Variants in CNTNAP2 observed in about 807,000 individuals in gnomAD.
CNTNAP2 encodes the protein contactin associated protein 2, also known as contactin-associated protein-like 2.
Under a neutral mutation model 155.2 loss-of-function variants are expected in CNTNAP2, and 98 were observed. The observed-to-expected ratio is 0.63, with a 90% CI of 0.54 to 0.75. CNTNAP2 has a LOEUF of 0.75. Among genes scored for constraint, CNTNAP2 ranks in the 30% least tolerant of loss-of-function variants. CNTNAP2 has a pLI of 0.00. For synonymous variants in CNTNAP2, 651 were observed against 631.2 expected (o/e 1.03, Z -0.47); for missense variants, 1,727 against 1,688.1 (o/e 1.02, Z -0.40).
chr7:148,146,749 T>A (rs1237747360), intron 16 of CNTNAP2, among the ~76,000 whole-genome samples: 1 of 152,052 alleles, frequency 6.6e-6, no homozygotes, highest in Non-Finnish European at 1.5e-5. Flanking sequence ...CAACAATAGG[T>A]CACCCTCATT....
rs1265599565 is a variant in CNTNAP2 at position 146,909,243 on chromosome 7, A to G, written c.402+69339A>G. On this transcript the variant is annotated intron_variant, in intron 3 of 23. Transcript: ENST00000361727. ...AGAGGTACAAGGAGGAACTGGTACC[A>G]TTCCTTCTGAAACTATTCCAATCAA... Among the ~76,000 whole-genome samples, 247 of 146,386 alleles carry G rather than the reference A, an allele frequency of 1.7e-3. 2 individuals are homozygous for G. Among genetic ancestry groups the G allele is most frequent in the African/African-American group, 5.8e-3 (232 of 39,742 alleles).
Position 148,058,368 on chromosome 7 carries a change from G to A in CNTNAP2, c.2384-59750G>A, listed in dbSNP as rs1453951270. On this transcript the variant is annotated intron_variant, in intron 15 of 23. Coordinates refer to ENST00000361727, the MANE Select transcript of CNTNAP2 (RefSeq NM_014141.6). ...GGGAGAAACCATCCCCTCCACACAC[G>A]GTTAAACAAGTCAGTGTGCAGCCTA... Among the ~76,000 whole-genome samples the A allele has an allele frequency of 4.6e-5, 7 of 152,246 alleles. No individual in the cohort carries two copies. The East Asian group carries it at 5.8e-4, about 13-fold the overall frequency.
chr7:146,721,391 C>CTATATATATTCTATATACATTCTA (rs1229042586), intron 1 of CNTNAP2, among the ~76,000 whole-genome samples: 1 of 118,750 alleles, frequency 8.4e-6, no homozygotes, highest in Non-Finnish European at 1.6e-5. Context: ...TATATACATT[C>CTATATATATTCTATATACATTCTA]TATATACATT....
At chr7:146,965,933 A>G (rs1797649788) in intron 3 of CNTNAP2, among the ~76,000 whole-genome samples, 1 of 152,170 alleles carries the variant, frequency 6.6e-6, no homozygotes. Context: ...CTCCTCTAAA[A>G]TATCATTATG....
chr7:146,721,850 T>A (rs867564416), intron 1 of CNTNAP2, among the ~76,000 whole-genome samples: 1 of 116,104 alleles, frequency 8.6e-6, no homozygotes. Context: ...ATATATATTC[T>A]ACATTTATAT....
At chr7:147,965,934 T>TA (rs1164090992) in intron 14 of CNTNAP2, among the ~76,000 whole-genome samples, 3 of 152,226 alleles carry the variant, frequency 2.0e-5, no homozygotes, top group African/African-American at 7.2e-5. Flanking sequence ...ATTGATAACA[T>TA]AAAAACAAAT....
At chr7:148,246,304 AT>A (rs1245180181) in intron 20 of CNTNAP2, among the ~76,000 whole-genome samples, 1 of 152,238 alleles carries the variant, frequency 6.6e-6, no homozygotes, top group African/African-American at 2.4e-5. Flanking sequence ...CTTTAACTAT[AT>A]TACAGTTAAA....
Position 146,464,187 on chromosome 7 carries a change from G to GTTTTTTTTTTTTTTTTTT in CNTNAP2, c.98-310082_98-310065dup, listed in dbSNP as rs369508603. Among the ~76,000 whole-genome samples, 19 of 91,552 alleles carry GTTTTTTTTTTTTTTTTTT rather than the reference G, an allele frequency of 2.1e-4. 1 individual carries two copies. Among genetic ancestry groups the GTTTTTTTTTTTTTTTTTT allele is most frequent in the African/African-American group, 6.7e-4 (18 of 26,956 alleles). The allele number at this position is 91,552 out of a possible 152,430, so 60.1% of individuals were successfully genotyped here. ...TGCTCAATGTCTTTCCTTTGAAACT[G>GTTTTTTTTTTTTTTTTTT]TTTTTTTTTTTTTTTTTTTGGCTCT... On this transcript the variant is annotated intron_variant, in intron 1 of 23. Transcript: ENST00000361727.
At chr7:147,600,782 C>A (rs2116859524) in intron 12 of CNTNAP2, among the ~76,000 whole-genome samples, 1 of 152,130 alleles carries the variant, frequency 6.6e-6, no homozygotes, top group Admixed American at 6.6e-5. Context: ...CTTCCCCCTC[C>A]TACTACTATG....
intron 1 of CNTNAP2, among the ~76,000 whole-genome samples, chr7:146,445,738 A>T (rs1193842824): frequency 6.6e-6 from 1 of 152,192 alleles, no homozygotes; most frequent in Non-Finnish European, 1.5e-5. Context: ...GTAGAGCAAG[A>T]TGAATGAGGG....
chr7:146,775,214 C>A (rs1390435542), intron 2 of CNTNAP2, among the ~76,000 whole-genome samples: 1 of 151,964 alleles, frequency 6.6e-6, no homozygotes, highest in Admixed American at 6.6e-5. Flanking sequence ...TTTAGTTAGA[C>A]AAGATGAATA....
At chr7:148,251,915 T>C (rs1253731685) in intron 20 of CNTNAP2, among the ~76,000 whole-genome samples, 18 of 152,180 alleles carry the variant, frequency 1.2e-4, no homozygotes, top group Non-Finnish European at 1.5e-5. Context: ...CCCAGTTCCA[T>C]ATACGTACCA....
intron 15 of CNTNAP2, among the ~76,000 whole-genome samples, chr7:148,008,032 G>A (rs1326870130): frequency 2.6e-5 from 4 of 151,950 alleles, no homozygotes; most frequent in African/African-American, 4.8e-5. Flanking sequence ...CCTGCAATTC[G>A]CTGGGTAGGT....
chr7:146,890,136 G>A (rs1413763841), intron 3 of CNTNAP2, among the ~76,000 whole-genome samples: 1 of 152,114 alleles, frequency 6.6e-6, no homozygotes, highest in Admixed American at 6.6e-5. Context: ...TGCCACCTGT[G>A]TCCCAAGGTC....
chr7:146,143,773 T>A (rs1332758271), intron 1 of CNTNAP2, among the ~76,000 whole-genome samples: 1 of 152,124 alleles, frequency 6.6e-6, no homozygotes, highest in Admixed American at 6.6e-5. Context: ...TAATTTATTT[T>A]TTTTTTTGAA....
intron 2 of CNTNAP2, among the ~76,000 whole-genome samples, chr7:146,791,876 T>C (rs1430507873): frequency 6.6e-6 from 1 of 152,222 alleles, no homozygotes; most frequent in African/African-American, 2.4e-5. Flanking sequence ...TGTTTCTGTT[T>C]ATTGGATTAA....
chr7:146,889,430 C>T (rs369874675), intron 3 of CNTNAP2, among the ~76,000 whole-genome samples: 81 of 152,162 alleles, frequency 5.3e-4, no homozygotes, highest in African/African-American at 1.9e-3. Flanking sequence ...GTCTCCTTAA[C>T]TCTCAGATGC....
At chr7:146,701,739 ATATAT>A (rs1221830727) in intron 1 of CNTNAP2, among the ~76,000 whole-genome samples, 1 of 152,122 alleles carries the variant, frequency 6.6e-6, no homozygotes, top group East Asian at 1.9e-4. Flanking sequence ...ATCCTTGAAA[ATATAT>A]TATACTCTGA....
At chr7:146,681,669 T>C (rs1800507495) in intron 1 of CNTNAP2, among the ~76,000 whole-genome samples, 1 of 149,832 alleles carries the variant, frequency 6.7e-6, no homozygotes, top group Non-Finnish European at 1.5e-5. Flanking sequence ...TAACTAAAAG[T>C]AATTGGGTAC....
Sources: allele counts gnomAD v4.1 joint callset (sites outside exome capture counted in the v4.1 genomes callset), GRCh38; gene constraint gnomAD v4.1.1; transcripts MANE v1.5; gene names NCBI Gene and HGNC (gene_info 2026-07-23, HGNC 2026-07-21).